TMEM268: variants seen among roughly 807,000 people sequenced by gnomAD.
TMEM268 encodes transmembrane protein 268.
In TMEM268, 24 loss-of-function variants were observed where a neutral mutation model predicts 39.1. The observed-to-expected ratio is 0.61, with a 90% CI of 0.44 to 0.86. The LOEUF (loss-of-function observed/expected upper bound fraction) is 0.86, where lower values mean the gene tolerates loss of function less well. TMEM268 is among the 40% of genes least tolerant of loss of function. TMEM268 has a pLI of 0.00. For synonymous variants in TMEM268, 176 were observed against 173.5 expected, an observed-to-expected ratio of 1.01 and a Z score of -0.12; for missense variants, 409 against 428.6, an observed-to-expected ratio of 0.95 and a Z score of 0.40.
At chr9:114,628,690 G>A (rs967530250) in intron 5 of TMEM268, among the ~76,000 whole-genome samples, 3 of 152,102 alleles carry the variant, frequency 2.0e-5, no homozygotes, top group Admixed American at 6.5e-5. Flanking sequence ...ATGCCGACCT[G>A]GTGCTCTATT....
At chr9:114,623,212 G>A (rs1261154047) in intron 2 of TMEM268, among the ~76,000 whole-genome samples, 2 of 152,094 alleles carry the variant, frequency 1.3e-5, no homozygotes, top group African/African-American at 2.4e-5. Context: ...GTGTAATGGC[G>A]TGATCTCGGT....
In TMEM268 at chr9:114,626,974, A is replaced by G. The variant is rs1346038948; in HGVS notation, c.292A>G (p.Asn98Asp). 3.7e-6 allele frequency: 6 copies of G among 1,613,362 alleles called. No individual in the cohort carries two copies. The highest frequency in any genetic ancestry group is 5.1e-6 in the Non-Finnish European group (6 of 1,179,398). Reference sequence around the variant, plus strand: ...CCAAGTGAGAAGATATATCATCTACAACTCGAGGCCTATGCGGCTGGCCTT... The same window carrying G: ...CCAAGTGAGAAGATATATCATCTACGACTCGAGGCCTATGCGGCTGGCCTT... Reference protein sequence around the residue: ...EPQVRRYIIYNSRPMRLAFAV... With the variant: ...EPQVRRYIIYDSRPMRLAFAV... Residue 98 changes from asparagine (N) to aspartate (D), a missense_variant, in exon 4 of 9, where the codon AAC becomes GAC. By Grantham distance (23) the Asn-to-Asp change is conservative. Transcript: ENST00000288502.
intron 1 of TMEM268, among the ~76,000 whole-genome samples, chr9:114,613,215 A>G (rs374500719): frequency 1.1e-3 from 173 of 152,324 alleles, no homozygotes; most frequent in African/African-American, 4.0e-3. Flanking sequence ...GTACTTTGTG[A>G]GAGGCTGATG....
At chr9:114,633,605 C>G (rs1287427544) in intron 5 of TMEM268, among the ~76,000 whole-genome samples, 163 bp from the exon 6 acceptor site, 1 of 151,784 alleles carries the variant, frequency 6.6e-6, no homozygotes, top group Non-Finnish European at 1.5e-5. Flanking sequence ...ACTGTGACTG[C>G]CTCCACCCCC....
chr9:114,626,042 G>C (rs1846146979), intron 3 of TMEM268, among the ~76,000 whole-genome samples: 1 of 151,776 alleles, frequency 6.6e-6, no homozygotes, highest in African/African-American at 2.4e-5. Flanking sequence ...GGCCAGGCTG[G>C]TCTCAAACTC....
At chr9:114,604,483 G>C in the TMEM268 span, among the ~76,000 whole-genome samples, 1 of 151,564 alleles carries the variant, frequency 6.6e-6, no homozygotes, top group African/African-American at 2.4e-5. Flanking sequence ...AGGATGCTGA[G>C]GCATGAGAAT....
chr9:114,610,813 A>T (rs1158040111), upstream of TMEM268, among the ~76,000 whole-genome samples: 1 of 152,228 alleles, frequency 6.6e-6, no homozygotes, highest in Non-Finnish European at 1.5e-5. Flanking sequence ...AGGCACAAAG[A>T]GGTTAAATAA....
intron 8 of TMEM268, among the ~76,000 whole-genome samples, 181 bp from the exon 9 acceptor site, chr9:114,642,953 C>T (rs762439541): frequency 1.1e-4 from 17 of 152,272 alleles, no homozygotes; most frequent in Middle Eastern, 3.4e-3. Context: ...CAGAACTGGG[C>T]TTCTGGACCA....
intron 3 of TMEM268, 63 bp downstream of exon 3, chr9:114,624,522 T>A (rs1296243997): frequency 3.9e-6 from 6 of 1,532,422 alleles, no homozygotes; most frequent in Non-Finnish European, 5.3e-6. Flanking sequence ...CCTCTATCTT[T>A]TCATCCAGTT....
In TMEM268 at chr9:114,643,345, G is replaced by A; in HGVS notation, c.*32G>A. The A allele has an allele frequency of 1.2e-6, 2 of 1,607,712 alleles. No homozygotes were observed. Among genetic ancestry groups the A allele is most frequent in the Non-Finnish European group, 1.7e-6 (2 of 1,174,670 alleles). ...GATGAAGGTACTCATCTTCCTTCAA[G>A]ACTGAGCAGTCAGGAAGGCTTCAGG... On this transcript the variant is annotated 3_prime_UTR_variant, in exon 9 of 9. Coordinates refer to ENST00000288502, the MANE Select transcript of TMEM268 (RefSeq NM_153045.4).
At chr9:114,615,192 G>A (rs1335120104) in intron 1 of TMEM268, among the ~76,000 whole-genome samples, 1 of 152,018 alleles carries the variant, frequency 6.6e-6, no homozygotes, top group Non-Finnish European at 1.5e-5. Context: ...CCACCGTGCT[G>A]GGTGGTGTCA....
intron 2 of TMEM268, among the ~76,000 whole-genome samples, chr9:114,621,845 C>T (rs1845957907): frequency 6.6e-6 from 1 of 152,094 alleles, no homozygotes; most frequent in Non-Finnish European, 1.5e-5. Flanking sequence ...CTGAGTCTGG[C>T]AGGAGGCTAG....
chr9:114,627,143 G>A (rs760061669), intron 4 of TMEM268, 137 bp downstream of exon 4: 10 of 566,516 alleles, frequency 1.8e-5, no homozygotes, highest in Non-Finnish European at 2.9e-5. Context: ...GAAACGAGCA[G>A]TACATATGGA....
rs1827501969 is a variant in TMEM268, at chr9:114,644,678, C to T, written c.*1365C>T. Reference sequence around the variant, plus strand: ...CTTTCCAAACTCACTTGAATGATGACATTGCTGTGGACCTGGGTTCTGGAC... The same window carrying T: ...CTTTCCAAACTCACTTGAATGATGATATTGCTGTGGACCTGGGTTCTGGAC... On this transcript the variant is annotated 3_prime_UTR_variant, in exon 9 of 9. Coordinates refer to ENST00000288502, the MANE Select transcript of TMEM268 (RefSeq NM_153045.4). The T allele has an allele frequency of 6.6e-6, 1 of 152,164 alleles. No homozygotes were observed. The highest frequency in any genetic ancestry group is 1.5e-5 in the Non-Finnish European group (1 of 68,038). 9.4% of individuals were successfully genotyped at this position (152,164 alleles called of 1,614,324 possible).
the TMEM268 span, among the ~76,000 whole-genome samples, chr9:114,604,042 T>G: frequency 6.6e-6 from 1 of 151,872 alleles, no homozygotes; most frequent in Non-Finnish European, 1.5e-5. Flanking sequence ...GATATGAGAC[T>G]GAGAGAGGTT....
chr9:114,617,065 C>G (rs1484119319), intron 1 of TMEM268, 53 bp from the exon 2 acceptor site: 1 of 602,976 alleles, frequency 1.7e-6, no homozygotes, highest in African/African-American at 2.0e-5. Context: ...CCCTAGGAAC[C>G]CCGGCTTGCC....
In TMEM268 at chr9:114,624,381, C is replaced by T. The variant is rs1037274751; in HGVS notation, c.138C>T (p.Leu46=). The T allele has an allele frequency of 1.9e-6, 3 of 1,603,922 alleles. No individual in the cohort carries two copies. The highest frequency in any genetic ancestry group is 2.6e-6 in the Non-Finnish European group (3 of 1,174,808). ...ELHNGQVLTV[L]RIDNTCAPIS... ...ACAATGGCCAGGTCCTCACTGTTCT[C>T]CGGATTGACAATACCTGTGCACCCA... is the stretch of plus-strand genomic sequence containing the variant. The change falls in exon 3 of 9, where the codon CTC becomes CTT. Residue 46 remains leucine (L), a synonymous_variant. Coordinates refer to ENST00000288502, the MANE Select transcript of TMEM268 (RefSeq NM_153045.4).
chr9:114,628,040 T>A, intron 4 of TMEM268, 61 bp from the exon 5 acceptor site: 1 of 1,581,312 alleles, frequency 6.3e-7, no homozygotes. Context: ...TCCCTTTGAA[T>A]GGAGCTGCTT....
chr9:114,629,188 A>G (rs908470419), intron 5 of TMEM268, among the ~76,000 whole-genome samples: 2 of 152,260 alleles, frequency 1.3e-5, no homozygotes, highest in African/African-American at 4.8e-5. Context: ...ACAAATTACC[A>G]TGAACTTATT....
Sources: allele counts gnomAD v4.1 joint callset (sites outside exome capture counted in the v4.1 genomes callset), GRCh38; gene constraint gnomAD v4.1.1; transcripts MANE v1.5; gene names NCBI Gene and HGNC (gene_info 2026-07-23, HGNC 2026-07-21).